The following PLEKHM3 variants were observed in gnomAD, a reference collection of about 807,000 sequenced individuals.
PLEKHM3 encodes pleckstrin homology domain containing M3, also known as pleckstrin homology domain-containing family M member 3.
Under a neutral mutation model 81.8 loss-of-function variants are expected in PLEKHM3, and 45 were observed. The observed-to-expected ratio is 0.55, with a 90% CI of 0.43 to 0.71. The LOEUF (loss-of-function observed/expected upper bound fraction) is 0.71. PLEKHM3 is among the 30% of genes least tolerant of loss of function. PLEKHM3 has a pLI of 0.00. For synonymous variants in PLEKHM3, 352 were observed against 356.4 expected, an observed-to-expected ratio of 0.99 and a Z score of 0.14; for missense variants, 788 against 924.3, an observed-to-expected ratio of 0.85 and a Z score of 1.91.
At chr2:208,020,804 G>A (rs1225936947) in intron 1 of PLEKHM3, among the ~76,000 whole-genome samples, 3 of 152,176 alleles carry the variant, frequency 2.0e-5, no homozygotes, top group African/African-American at 7.2e-5. Flanking sequence ...GCAACCAATG[G>A]GGCCACAGAC....
At position 207,828,366 on chromosome 2, in the gene PLEKHM3, G is replaced by C; in HGVS notation, c.2239C>G (p.Leu747Val). 6.2e-7 allele frequency: 1 copy of C among 1,613,998 alleles called. No homozygotes were observed. The highest frequency in any genetic ancestry group is 8.5e-7 in the Non-Finnish European group (1 of 1,180,004). ...TCGAACATGGTGCAAGCCTCCTCTA[G>C]ACTCTCGTCCATGTTCAGTCTCTGC... ...FWQRLNMDES[L>V]EEACTMFELS... The change falls in exon 8 of 8, where the codon CTA becomes GTA. Residue 747 changes from leucine (L) to valine (V), a missense_variant. Leu to Val is a conservative substitution (Grantham distance 32). Transcript: ENST00000427836.
At chr2:207,957,994 T>G (rs563561678) in intron 3 of PLEKHM3, among the ~76,000 whole-genome samples, 50 of 152,218 alleles carry the variant, frequency 3.3e-4, no homozygotes, top group African/African-American at 1.2e-3. Flanking sequence ...AAGACATCCC[T>G]CCACAACAAA....
chr2:208,006,717 G>C (rs78781225), intron 1 of PLEKHM3, among the ~76,000 whole-genome samples: 1 of 152,128 alleles, frequency 6.6e-6, no homozygotes, highest in East Asian at 1.9e-4. Flanking sequence ...AGTCAGCAAC[G>C]AACTATTTAT....
At chr2:207,884,232 CACTT>C (rs963445865) in intron 6 of PLEKHM3, among the ~76,000 whole-genome samples, 1 of 148,042 alleles carries the variant, frequency 6.8e-6, no homozygotes, top group African/African-American at 2.5e-5. Context: ...GTTAACATCA[CACTT>C]AATGGTGAAA....
intron 6 of PLEKHM3, among the ~76,000 whole-genome samples, chr2:207,892,556 C>T (rs890574898): frequency 6.6e-6 from 1 of 152,236 alleles, no homozygotes; most frequent in South Asian, 2.1e-4. Flanking sequence ...GTTTCAATCC[C>T]GTGGAACCCT....
chr2:207,973,480 T>C (rs1368197354), intron 3 of PLEKHM3, among the ~76,000 whole-genome samples: 1 of 152,240 alleles, frequency 6.6e-6, no homozygotes, highest in Non-Finnish European at 1.5e-5. Flanking sequence ...GGCTTACGCC[T>C]GTAATCCCAG....
At chr2:207,880,863 A>T in intron 6 of PLEKHM3, among the ~76,000 whole-genome samples, 1 of 89,342 alleles carries the variant, frequency 1.1e-5, no homozygotes, top group Non-Finnish European at 2.4e-5. Flanking sequence ...TAATCATAAG[A>T]AGTCTTTTTT....
chr2:207,957,904 T>C (rs1207339567), intron 3 of PLEKHM3, among the ~76,000 whole-genome samples: 1 of 152,172 alleles, frequency 6.6e-6, no homozygotes, highest in Non-Finnish European at 1.5e-5. Context: ...TCTGCAGACA[T>C]TTTTGGTAGG....
intron 6 of PLEKHM3, among the ~76,000 whole-genome samples, chr2:207,902,558 T>C (rs897866991): frequency 5.3e-5 from 8 of 152,160 alleles, no homozygotes; most frequent in African/African-American, 1.9e-4. Flanking sequence ...AAAAGTTAAC[T>C]GAAGAGTTAA....
chr2:207,930,499 G>T (rs946255106), intron 5 of PLEKHM3, among the ~76,000 whole-genome samples: 4 of 151,904 alleles, frequency 2.6e-5, no homozygotes, highest in African/African-American at 7.2e-5. Flanking sequence ...ATTTCCCATT[G>T]AAAATGCTTT....
chr2:207,981,300 G>T (rs959340559), intron 2 of PLEKHM3, among the ~76,000 whole-genome samples: 1 of 152,042 alleles, frequency 6.6e-6, no homozygotes, highest in African/African-American at 2.4e-5. Flanking sequence ...AAGGGCTAGA[G>T]AACTACCATC....
At chr2:208,011,030 G>A (rs1692670502) in intron 1 of PLEKHM3, among the ~76,000 whole-genome samples, 1 of 136,152 alleles carries the variant, frequency 7.3e-6, no homozygotes, top group South Asian at 2.4e-4. Flanking sequence ...ACCACAATGT[G>A]ATACCACCTT....
At position 207,930,802 on chromosome 2, in the gene PLEKHM3, C is replaced by T. The variant is rs1209238277; in HGVS notation, c.1886+124G>A. On this transcript the variant is annotated intron_variant, in intron 5 of 7. Transcript: ENST00000427836. ...CAGAGAGAGGCTGGCAGTGGAGAGG[C>T]GGAGGGCGAGCCACAAAATTAGAGG... 3.5e-5 allele frequency: 37 copies of T among 1,057,660 alleles called. No individual in the cohort carries two copies. The South Asian group carries it at 5.1e-4, about 15-fold the overall frequency. The allele number at this position is 1,057,660 out of a possible 1,614,324, so 65.5% of individuals were successfully genotyped here.
intron 3 of PLEKHM3, among the ~76,000 whole-genome samples, chr2:207,954,023 T>C (rs1690424390): frequency 6.6e-6 from 1 of 152,066 alleles, no homozygotes; most frequent in South Asian, 2.1e-4. Flanking sequence ...TGAATGTACC[T>C]AACCAAAGAA....
Position 207,977,003 on chromosome 2 carries a change from G to A in PLEKHM3, c.1194C>T (p.Asp398=), listed in dbSNP as rs575551957. The A allele has an allele frequency of 5.5e-5, 88 of 1,614,122 alleles. No individual in the cohort carries two copies. Among genetic ancestry groups the A allele is most frequent in the South Asian group, 2.4e-4 (22 of 91,084 alleles). ...YLMAFQPGKL[D]EDPLLSYNVD... The stretch of plus-strand genomic sequence containing the variant: ...CGTTGTAGCTCAACAGTGGATCCTC[G>A]TCTAGCTTGCCAGGCTGAAAAGCCA... Residue 398 remains aspartate (D), a synonymous_variant, in exon 3 of 8, where the codon GAC becomes GAT. Transcript: ENST00000427836.
chr2:207,888,368 C>A (rs1027484101), intron 6 of PLEKHM3, among the ~76,000 whole-genome samples: 1 of 151,696 alleles, frequency 6.6e-6, no homozygotes, highest in African/African-American at 2.4e-5. Context: ...CACACACACA[C>A]ACACACACAC....
chr2:207,878,333 G>C (rs1018738581), intron 6 of PLEKHM3, among the ~76,000 whole-genome samples: 1 of 152,178 alleles, frequency 6.6e-6, no homozygotes, highest in African/African-American at 2.4e-5. Context: ...TTCTGGCCAG[G>C]TGCAGTGGTT....
intron 7 of PLEKHM3, among the ~76,000 whole-genome samples, chr2:207,838,102 A>T (rs1234669852): frequency 6.6e-6 from 1 of 152,070 alleles, no homozygotes; most frequent in Non-Finnish European, 1.5e-5. Flanking sequence ...TAAGTCAGTC[A>T]GTAAGAAAAT....
At position 208,001,045 on chromosome 2, in the gene PLEKHM3, C is replaced by T. The variant is rs1692278731; in HGVS notation, c.595G>A (p.Ala199Thr). ...AAAAACATACCAGTATTTCCTTGAG[C>T]ATCTTCTATCTTATTTGGTGAGGGC... ...LLPSPNKIED[A>T]QGNTEHKQTF... The change falls in exon 2 of 8, where the codon GCT becomes ACT. Residue 199 changes from alanine to threonine, a missense_variant. Transcript: ENST00000427836. 2.0e-6 allele frequency: 3 copies of T among 1,534,328 alleles called. No individual in the cohort carries two copies. The highest frequency in any genetic ancestry group is 2.6e-6 in the Non-Finnish European group (3 of 1,140,108).
Sources: allele counts gnomAD v4.1 joint callset (sites outside exome capture counted in the v4.1 genomes callset), GRCh38; gene constraint gnomAD v4.1.1; transcripts MANE v1.5; gene names NCBI Gene and HGNC (gene_info 2026-07-23, HGNC 2026-07-21).